The following SCN2A variants were observed in gnomAD, a reference collection of about 807,000 sequenced individuals.
SCN2A encodes sodium voltage-gated channel alpha subunit 2, also known as sodium channel protein type 2 subunit alpha.
In SCN2A, 20 loss-of-function variants were observed where a neutral mutation model predicts 188.7. The observed-to-expected ratio is 0.11, with a 90% CI of 0.07 to 0.15. The LOEUF is 0.15. Ranked by LOEUF, SCN2A falls within the 10% of genes least tolerant of loss-of-function variation. SCN2A has a pLI of 1.00. For synonymous variants in SCN2A, 804 were observed against 833.1 expected (o/e 0.97, Z 0.60); for missense variants, 1,278 against 2,445.0 (o/e 0.52, Z 10.07).
At chr2:165,377,326 T>C (rs184779460) in intron 22 of SCN2A, among the ~76,000 whole-genome samples, 5 of 152,138 alleles carry the variant, frequency 3.3e-5, no homozygotes, top group Admixed American at 3.3e-4. Context: ...TCAAAGATTG[T>C]TCATATTGTT....
chr2:165,287,343 T>G (rs377268400), intron 1 of SCN2A, among the ~76,000 whole-genome samples: 1 of 152,198 alleles, frequency 6.6e-6, no homozygotes, highest in East Asian at 1.9e-4. Flanking sequence ...GTGTGTTTAC[T>G]GAAGTTGTGT....
At chr2:165,281,476 G>T (rs541648214) in intron 1 of SCN2A, among the ~76,000 whole-genome samples, 1 of 152,112 alleles carries the variant, frequency 6.6e-6, no homozygotes, top group East Asian at 2.0e-4. Flanking sequence ...AAAGCCATGA[G>T]CTGGGAGTGT....
At chr2:165,371,304 A>G (rs1335738354) in intron 20 of SCN2A, 2 of 152,228 alleles carry the variant, frequency 1.3e-5, no homozygotes, top group African/African-American at 2.4e-5. Flanking sequence ...TTATGATAGT[A>G]TATGAAACTG....
At chr2:165,353,003 T>C (rs1700005542) in intron 16 of SCN2A, among the ~76,000 whole-genome samples, 1 of 152,082 alleles carries the variant, frequency 6.6e-6, no homozygotes, top group Admixed American at 6.5e-5. Flanking sequence ...AAAAAAATTA[T>C]ATGACTCAGT....
intron 12 of SCN2A, among the ~76,000 whole-genome samples, chr2:165,324,285 A>G (rs1034766462): frequency 1.9e-4 from 29 of 152,342 alleles, no homozygotes; most frequent in African/African-American, 6.5e-4. Flanking sequence ...TATTTTGGCA[A>G]TGTCACTTGA....
intron 1 of SCN2A, 85 bp from the exon 2 acceptor site, chr2:165,295,670 ATCTGAGTTTCTATGCTGT>A: frequency 9.7e-7 from 1 of 1,027,868 alleles, no homozygotes; most frequent in Non-Finnish European, 1.4e-6. Context: ...TATTATAGCT[ATCTGAGTTTCTATGCTGT>A]ATCTCAGTGC....
chr2:165,268,420 TTAAAAA>T (rs1694968501), intron 1 of SCN2A: 1 of 151,786 alleles, frequency 6.6e-6, no homozygotes, highest in Non-Finnish European at 1.5e-5. Context: ...ACATAAACAA[TTAAAAA>T]TAAAAATCAT....
chr2:165,250,361 A>T (rs367697826), intron 1 of SCN2A, among the ~76,000 whole-genome samples: 6 of 152,094 alleles, frequency 3.9e-5, no homozygotes, highest in African/African-American at 1.4e-4. Flanking sequence ...ATAGCTTTTA[A>T]ATTTAGTGTT....
At position 165,297,000 on chromosome 2, in the gene SCN2A, TGTG is replaced by T; in HGVS notation, c.268-16_268-14del. On this transcript the variant is annotated splice_polypyrimidine_tract_variant and intron_variant, in intron 2 of 26. Coordinates refer to ENST00000375437, the MANE Select transcript of SCN2A (RefSeq NM_001040142.2). ...ATATTCTAAGTTTTATTTTATGTGT[TGTG>T]TTTTCTTTTTCAGACGTTTATAGTA... 7.6e-7 allele frequency: 1 copy of T among 1,310,238 alleles called. No individual in the cohort carries two copies. Among genetic ancestry groups the T allele is most frequent in the Non-Finnish European group, 1.1e-6 (1 of 909,580 alleles). The allele number at this position is 1,310,238 out of a possible 1,614,324, so 81.2% of individuals were successfully genotyped here.
rs146891848 is a variant in SCN2A, at chr2:165,332,096, C to T, written c.2388+528C>T. Among the ~76,000 whole-genome samples the T allele has an allele frequency of 6.5e-4, 98 of 151,672 alleles. 1 individual carries two copies. The East Asian group carries it at 0.018, about 28-fold the overall frequency. On this transcript the variant is annotated intron_variant, in intron 14 of 26. Coordinates refer to ENST00000375437, the MANE Select transcript of SCN2A (RefSeq NM_001040142.2). Reference sequence around the variant, plus strand: ...TTGTTAAAATATATATTAGCATTTACTGGATACATATTGATATTATAATAT... The same window carrying T: ...TTGTTAAAATATATATTAGCATTTATTGGATACATATTGATATTATAATAT...
chr2:165,349,033 C>A (rs1699751477), intron 16 of SCN2A, among the ~76,000 whole-genome samples: 1 of 152,162 alleles, frequency 6.6e-6, no homozygotes, highest in African/African-American at 2.4e-5. Context: ...CCCAAGACAA[C>A]TTTAAAATGT....
chr2:165,372,885 G>A (rs917061522), intron 20 of SCN2A: 5 of 266,620 alleles, frequency 1.9e-5, no homozygotes, highest in Non-Finnish European at 3.6e-5. Context: ...TGTAGAGGAA[G>A]ATCACATTTC....
In SCN2A at chr2:165,279,218, G is replaced by A. The variant is rs1574489321; in HGVS notation, c.-51-16555G>A. 2.0e-5 allele frequency among the ~76,000 whole-genome samples: 3 copies of A among 152,174 alleles called. No individual in the cohort carries two copies. In the East Asian group the frequency reaches 5.8e-4, roughly 29 times the overall value. On this transcript the variant is annotated intron_variant, in intron 1 of 26. Coordinates refer to ENST00000375437, the MANE Select transcript of SCN2A (RefSeq NM_001040142.2). ...AGGTGTCCCAAGAGTTCTGAAGGGGGAGTTAGCTTCCATCTCAGGAGACGA... is the reference window on the plus strand; with the variant it reads ...AGGTGTCCCAAGAGTTCTGAAGGGGAAGTTAGCTTCCATCTCAGGAGACGA...
chr2:165,305,182 A>C (rs935369972), intron 3 of SCN2A, among the ~76,000 whole-genome samples: 2 of 152,222 alleles, frequency 1.3e-5, no homozygotes, highest in Non-Finnish European at 2.9e-5. Flanking sequence ...AAGATTTCTC[A>C]TAGGTCTCTG....
intron 1 of SCN2A, chr2:165,293,846 A>G (rs1276263469): frequency 3.2e-5 from 32 of 984,866 alleles, no homozygotes; most frequent in Non-Finnish European, 3.9e-5. Flanking sequence ...CTTCAGACAT[A>G]TGTCTGTGTG....
intron 2 of SCN2A, 90 bp from the exon 3 acceptor site, chr2:165,296,927 A>G (rs1574527370): frequency 2.7e-6 from 2 of 734,698 alleles, no homozygotes; most frequent in Non-Finnish European, 4.8e-6. Context: ...TTACAGGGCA[A>G]TATTTATAAA....
rs754118155 is a variant in SCN2A at position 165,331,499 on chromosome 2, A to G, written c.2319A>G (p.Thr773=). Residue 773 remains threonine, a synonymous_variant, in exon 14 of 27, where the codon ACA becomes ACG. Transcript: ENST00000375437. ...LAITICIVLN[T]LFMAMEHYPM... ...TCACCATCTGCATTGTCTTAAATAC[A>G]CTCTTCATGGCTATGGAGCACTATC... 6.2e-6 allele frequency: 10 copies of G among 1,613,614 alleles called. No homozygotes were observed. Among genetic ancestry groups the G allele is most frequent in the Non-Finnish European group, 8.5e-6 (10 of 1,179,724 alleles).
At chr2:165,388,523 A>T in intron 26 of SCN2A, 106 bp from the exon 27 acceptor site, 2 of 1,458,764 alleles carry the variant, frequency 1.4e-6, no homozygotes, top group Non-Finnish European at 1.9e-6. Flanking sequence ...ATATACATGT[A>T]CCTAACTGTC....
chr2:165,283,158 AACTT>A (rs1404333947), intron 1 of SCN2A, among the ~76,000 whole-genome samples: 1 of 152,234 alleles, frequency 6.6e-6, no homozygotes, highest in African/African-American at 2.4e-5. Flanking sequence ...AAATACTTCT[AACTT>A]AGGAAAAAAG....
Sources: allele counts gnomAD v4.1 joint callset (sites outside exome capture counted in the v4.1 genomes callset), GRCh38; gene constraint gnomAD v4.1.1; transcripts MANE v1.5; gene names NCBI Gene and HGNC (gene_info 2026-07-23, HGNC 2026-07-21).